Variants in PCDHA1 observed in about 807,000 individuals in gnomAD.
PCDHA1 encodes protocadherin alpha 1, also known as protocadherin alpha-1.
PCDHA1 carries 42 observed loss-of-function variants against 61.3 expected under a neutral mutation model. The observed-to-expected ratio is 0.69, with a 90% CI of 0.54 to 0.89. The LOEUF (loss-of-function observed/expected upper bound fraction) is 0.89. Ranked by LOEUF, PCDHA1 falls within the 40% of genes least tolerant of loss-of-function variation. The pLI is 0.00. For synonymous variants in PCDHA1, 610 were observed against 553.8 expected (o/e 1.10, Z -1.43); for missense variants, 1,256 against 1,235.3 (o/e 1.02, Z -0.25).
chr5:140,890,646 C>A (rs1332050034), intron 1 of PCDHA1, among the ~76,000 whole-genome samples: 4 of 152,082 alleles, frequency 2.6e-5, no homozygotes, highest in African/African-American at 9.7e-5. Flanking sequence ...CTTGATATAT[C>A]AAAATCAAAA....
chr5:140,858,066 AG>A, intron 1 of PCDHA1: 1 of 1,597,600 alleles, frequency 6.3e-7, no homozygotes, highest in Non-Finnish European at 8.6e-7. Flanking sequence ...GAGGGCAGCC[AG>A]GCACCCAAGG....
intron 1 of PCDHA1, among the ~76,000 whole-genome samples, chr5:140,881,049 A>C (rs990514512): frequency 6.6e-6 from 1 of 152,238 alleles, no homozygotes; most frequent in Admixed American, 6.5e-5. Flanking sequence ...AGAGTTGTGC[A>C]CAGAACAGGC....
intron 1 of PCDHA1, among the ~76,000 whole-genome samples, chr5:140,946,113 G>T (rs1241993026): frequency 6.6e-6 from 1 of 151,816 alleles, no homozygotes; most frequent in Non-Finnish European, 1.5e-5. Context: ...AAATATATAA[G>T]GAACTCAAAC....
At chr5:140,971,732 T>C (rs1554233582) in intron 1 of PCDHA1, among the ~76,000 whole-genome samples, 2 of 151,638 alleles carry the variant, frequency 1.3e-5, no homozygotes, top group African/African-American at 4.8e-5. Flanking sequence ...ATCATACATA[T>C]ACACATACAT....
chr5:140,841,310 C>A (rs2150313272), intron 1 of PCDHA1: 14 of 1,550,808 alleles, frequency 9.0e-6, no homozygotes, highest in Non-Finnish European at 1.2e-5. Flanking sequence ...TGATAGGAAA[C>A]GACTATTTAA....
At chr5:140,883,705 T>G (rs251380) in intron 1 of PCDHA1, 1,065,865 of 1,613,504 alleles carry the variant, frequency 0.66, 353,266 homozygotes, top group Middle Eastern at 0.71. Flanking sequence ...CGGTGTCTGC[T>G]CAGGACGCGG....
intron 1 of PCDHA1, among the ~76,000 whole-genome samples, chr5:140,820,410 G>A (rs1312533242): frequency 6.6e-6 from 1 of 151,870 alleles, no homozygotes; most frequent in African/African-American, 2.4e-5. Context: ...TATTTTAAAT[G>A]TAAAAGTATC....
At chr5:140,808,104 G>C in intron 1 of PCDHA1, 1 of 1,613,884 alleles carries the variant, frequency 6.2e-7, no homozygotes, top group Non-Finnish European at 8.5e-7. Flanking sequence ...ATTGTAAAGG[G>C]ATATATTGAC....
intron 3 of PCDHA1, among the ~76,000 whole-genome samples, chr5:141,004,084 T>C (rs2098151963): frequency 6.6e-6 from 1 of 152,234 alleles, no homozygotes; most frequent in Non-Finnish European, 1.5e-5. Context: ...GGTAGAAATG[T>C]GCTTCTTCCG....
In PCDHA1 at chr5:140,803,192, G is replaced by A. The variant is rs17844262; in HGVS notation, c.2394+14508G>A. ...CCTCATTGACCGCCACGGCCACTGT[G>A]CTGGTGTCGCTGGTGGAGAGTGGCC... is the stretch of plus-strand genomic sequence containing the variant. On this transcript the variant is annotated intron_variant, in intron 1 of 3. Transcript: ENST00000504120. The A allele has an allele frequency of 5.0e-6, 8 of 1,613,814 alleles. No homozygotes were observed. The South Asian group carries it at 6.6e-5, about 13-fold the overall frequency.
At chr5:140,808,475 G>C (rs1359220357) in intron 1 of PCDHA1, 2 of 1,614,172 alleles carry the variant, frequency 1.2e-6, no homozygotes, top group South Asian at 1.1e-5. Context: ...CGCGCGAGAC[G>C]GGGGCTCGCC....
At chr5:140,945,200 A>G (rs2093757745) in intron 1 of PCDHA1, among the ~76,000 whole-genome samples, 1 of 152,168 alleles carries the variant, frequency 6.6e-6, no homozygotes, top group South Asian at 2.1e-4. Context: ...GCTATTTACA[A>G]TAGCTATGAG....
chr5:140,804,575 T>A (rs576900652), intron 1 of PCDHA1: 5 of 152,418 alleles, frequency 3.3e-5, no homozygotes, highest in African/African-American at 1.2e-4. Context: ...GATGCTAATA[T>A]GAAATAAGTT....
chr5:140,861,489 T>A, intron 1 of PCDHA1: 1 of 487,812 alleles, frequency 2.0e-6, no homozygotes, highest in South Asian at 1.6e-5. Context: ...TTTTGTGAGT[T>A]CTCTGATAGA....
At position 140,858,269 on chromosome 5, in the gene PCDHA1, A is replaced by T. The variant is rs367651349; in HGVS notation, c.2394+69585A>T. 8.2e-4 allele frequency: 1,313 copies of T among 1,596,554 alleles called. 103 individuals carry two copies. Among genetic ancestry groups the T allele is most frequent in the Non-Finnish European group, 9.6e-4 (1,118 of 1,166,912 alleles). On this transcript the variant is annotated intron_variant, in intron 1 of 3. Transcript: ENST00000504120. Reference sequence around the variant, plus strand: ...GGTGAAGCCCACGCTGGTGTGCTCTAGCGCGGTGGGGAGCTGGTCTTACTC... The same window carrying T: ...GGTGAAGCCCACGCTGGTGTGCTCTTGCGCGGTGGGGAGCTGGTCTTACTC...
rs557419543 is a variant in PCDHA1, at chr5:140,854,019, G to A, written c.2394+65335G>A. On this transcript the variant is annotated intron_variant, in intron 1 of 3. Transcript: ENST00000504120. ...CTCTGCCAAAAAAAAAAAATTAGCCGGGCATGGTGGCACACATCTCTAGTC... is the reference window on the plus strand; with the variant it reads ...CTCTGCCAAAAAAAAAAAATTAGCCAGGCATGGTGGCACACATCTCTAGTC... 8.1e-5 allele frequency: 27 copies of A among 335,108 alleles called. No homozygotes were observed. In the South Asian group the frequency reaches 3.3e-3, roughly 41 times the overall value. 20.8% of individuals were successfully genotyped at this position (335,108 alleles called of 1,614,324 possible). A position where few individuals can be genotyped will look rare whatever the true frequency, so the allele number is the denominator to read the frequency against.
intron 1 of PCDHA1, among the ~76,000 whole-genome samples, chr5:140,797,722 T>A (rs1762256155): frequency 6.6e-6 from 1 of 152,246 alleles, no homozygotes; most frequent in Non-Finnish European, 1.5e-5. Flanking sequence ...TAATACGTAT[T>A]TTCAACTGAC....
intron 1 of PCDHA1, chr5:140,843,171 G>A: frequency 6.3e-7 from 1 of 1,596,072 alleles, no homozygotes; most frequent in Non-Finnish European, 8.6e-7. Context: ...GCTGCAAGCA[G>A]CCCTCGCATC....
intron 1 of PCDHA1, chr5:140,842,063 G>C (rs1213934072): frequency 1.2e-6 from 2 of 1,613,830 alleles, no homozygotes; most frequent in African/African-American, 1.3e-5. Flanking sequence ...GTCTGAATAC[G>C]AAGTAAGAAT....
Sources: allele counts gnomAD v4.1 joint callset (sites outside exome capture counted in the v4.1 genomes callset), GRCh38; gene constraint gnomAD v4.1.1; transcripts MANE v1.5; gene names NCBI Gene and HGNC (gene_info 2026-07-23, HGNC 2026-07-21).